STAMBPL1: variants seen among roughly 807,000 people sequenced by gnomAD.
STAMBPL1 encodes AMSH-like protease.
A neutral mutation model predicts 52.9 loss-of-function variants in STAMBPL1; 44 were observed. That is an observed-to-expected ratio of 0.83 (90% CI 0.65 to 1.07). The LOEUF is 1.07. Among genes scored for constraint, STAMBPL1 ranks in the 50% least tolerant of loss-of-function variants. The pLI is 0.00. For synonymous variants in STAMBPL1, 164 were observed against 177.3 expected (o/e 0.92, Z 0.60); for missense variants, 511 against 520.8 (o/e 0.98, Z 0.18).
rs1394272380 is a variant in STAMBPL1 at position 88,922,252 on chromosome 10, T to C, written c.1155-85T>C. 5 of 1,228,374 alleles carry C rather than the reference T, an allele frequency of 4.1e-6. No individual in the cohort carries two copies. The Admixed American group carries it at 7.3e-5, about 18-fold the overall frequency. The allele number at this position is 1,228,374 out of a possible 1,614,324, so 76.1% of individuals were successfully genotyped here. A position where few individuals can be genotyped will look rare whatever the true frequency, so the allele number is the denominator to read the frequency against. On this transcript the variant is annotated intron_variant, in intron 9 of 10. Coordinates refer to ENST00000371926, the MANE Select transcript of STAMBPL1 (RefSeq NM_020799.4). ...ATTTCTCAATCCCATCTGAGGAATA[T>C]GTATGTGTGTGCTGTTCAAATAAAG... is the stretch of plus-strand genomic sequence containing the variant.
At chr10:88,916,382 C>G (rs1383359956) in intron 7 of STAMBPL1, among the ~76,000 whole-genome samples, 1 of 151,544 alleles carries the variant, frequency 6.6e-6, no homozygotes, top group Non-Finnish European at 1.5e-5. Context: ...TTCCACAGAC[C>G]AGCCTGGAAT....
chr10:88,897,804 G>A (rs1844849710), intron 1 of STAMBPL1, among the ~76,000 whole-genome samples: 1 of 152,176 alleles, frequency 6.6e-6, no homozygotes, highest in Non-Finnish European at 1.5e-5. Context: ...GTGCTTTGTA[G>A]CACTTTGGAC....
chr10:88,918,842 A>T (rs1040364518), intron 8 of STAMBPL1, among the ~76,000 whole-genome samples: 1 of 152,202 alleles, frequency 6.6e-6, no homozygotes, highest in Non-Finnish European at 1.5e-5. Context: ...CAAATTAGAA[A>T]CAAAAATTTT....
At chr10:88,918,561 G>T (rs1042500779) in intron 8 of STAMBPL1, among the ~76,000 whole-genome samples, 2 of 152,084 alleles carry the variant, frequency 1.3e-5, no homozygotes, top group Admixed American at 6.6e-5. Context: ...TCAAATGCAA[G>T]AAATTATTTA....
At chr10:88,913,019 C>T (rs1700054031) in intron 5 of STAMBPL1, 82 bp from the exon 6 acceptor site, 1 of 1,202,106 alleles carries the variant, frequency 8.3e-7, no homozygotes, top group Non-Finnish European at 1.2e-6. Flanking sequence ...TCTCTGTCTG[C>T]TTGAAGACTG....
chr10:88,897,189 A>G (rs1237163914), intron 1 of STAMBPL1, among the ~76,000 whole-genome samples: 1 of 152,190 alleles, frequency 6.6e-6, no homozygotes, highest in East Asian at 1.9e-4. Flanking sequence ...TGGATGAGAC[A>G]GCATTTTGGC....
intron 1 of STAMBPL1, among the ~76,000 whole-genome samples, chr10:88,893,631 C>A (rs1844741604): frequency 6.6e-6 from 1 of 152,138 alleles, no homozygotes; most frequent in East Asian, 1.9e-4. Context: ...ATCCCAGCTA[C>A]TTAGGAAGCT....
intron 1 of STAMBPL1, among the ~76,000 whole-genome samples, chr10:88,898,119 T>C (rs1844856695): frequency 6.6e-6 from 1 of 152,198 alleles, no homozygotes; most frequent in Non-Finnish European, 1.5e-5. Flanking sequence ...TCAGACTTTA[T>C]TGGTCTTGGA....
chr10:88,918,136 G>C (rs1845415145), intron 8 of STAMBPL1, among the ~76,000 whole-genome samples: 1 of 152,112 alleles, frequency 6.6e-6, no homozygotes, highest in African/African-American at 2.4e-5. Context: ...TAGCATGTTA[G>C]GATAAGCCAT....
Position 88,908,766 on chromosome 10 carries a change from G to A in STAMBPL1, c.313G>A (p.Asp105Asn). Residue 105 changes from aspartate (D) to asparagine (N), a missense_variant, in exon 4 of 11, where the codon GAT (aspartate) becomes AAT (asparagine). By Grantham distance (23) the Asp-to-Asn change is conservative. Coordinates refer to ENST00000371926, the MANE Select transcript of STAMBPL1 (RefSeq NM_020799.4). ...YQQCAVPEKQ[D>N]IMKKLKEIAF... Reference sequence around the variant, plus strand: ...GCAATGTGCAGTACCTGAAAAGCAGGATATTATGAAGGTATTGTGGGTTTT... The same window carrying A: ...GCAATGTGCAGTACCTGAAAAGCAGAATATTATGAAGGTATTGTGGGTTTT... The A allele has an allele frequency of 1.9e-6, 3 of 1,606,544 alleles. No individual in the cohort carries two copies. Among genetic ancestry groups the A allele is most frequent in the African/African-American group, 1.3e-5 (1 of 74,410 alleles).
At chr10:88,887,379 G>A (rs918448137) in intron 1 of STAMBPL1, among the ~76,000 whole-genome samples, 9 of 151,956 alleles carry the variant, frequency 5.9e-5, no homozygotes, top group South Asian at 2.1e-4. Flanking sequence ...TATGGCACAC[G>A]TAGTTATTTT....
intron 1 of STAMBPL1, among the ~76,000 whole-genome samples, chr10:88,890,274 C>T (rs1384653305): frequency 6.6e-6 from 1 of 152,200 alleles, no homozygotes; most frequent in East Asian, 1.9e-4. Flanking sequence ...AGCAATAGAA[C>T]ATCATTCAAG....
intron 5 of STAMBPL1, among the ~76,000 whole-genome samples, chr10:88,912,137 A>G (rs1040556821): frequency 6.6e-6 from 1 of 152,174 alleles, no homozygotes; most frequent in African/African-American, 2.4e-5. Context: ...CCCTTGCTTC[A>G]CCAGCATTAG....
intron 2 of STAMBPL1, among the ~76,000 whole-genome samples, chr10:88,902,092 C>T (rs1844956018): frequency 6.6e-6 from 1 of 152,132 alleles, no homozygotes; most frequent in South Asian, 2.1e-4. Context: ...GGAGGCTCAC[C>T]TTGTATGGCG....
intron 8 of STAMBPL1, among the ~76,000 whole-genome samples, chr10:88,921,048 C>G (rs957625547): frequency 4.6e-5 from 7 of 152,020 alleles, no homozygotes; most frequent in Admixed American, 4.6e-4. Context: ...CTTTCTTTCC[C>G]AAAAAGAAGA....
At chr10:88,891,706 T>C (rs1029032032) in intron 1 of STAMBPL1, among the ~76,000 whole-genome samples, 1 of 152,216 alleles carries the variant, frequency 6.6e-6, no homozygotes, top group African/African-American at 2.4e-5. Context: ...GTTTTCTGTA[T>C]TTCATCTTTC....
intron 3 of STAMBPL1, among the ~76,000 whole-genome samples, chr10:88,908,126 G>A (rs1845121097): frequency 6.6e-6 from 1 of 152,190 alleles, no homozygotes; most frequent in African/African-American, 2.4e-5. Flanking sequence ...TTTGCTGTAG[G>A]AATTTCCTTT....
chr10:88,914,480 A>C, intron 6 of STAMBPL1, 54 bp from the exon 7 acceptor site: 1 of 1,349,902 alleles, frequency 7.4e-7, no homozygotes, highest in Non-Finnish European at 9.7e-7. Flanking sequence ...ACAATTTTGA[A>C]AGATGGGACA....
At chr10:88,904,509 C>T (rs773487243) in intron 2 of STAMBPL1, among the ~76,000 whole-genome samples, 1 of 152,172 alleles carries the variant, frequency 6.6e-6, no homozygotes, top group African/African-American at 2.4e-5. Context: ...TTAGGGGACA[C>T]AGCCAGGGTC....
Sources: gnomAD v4.1 joint callset for allele counts (sites outside exome capture counted in the v4.1 genomes callset) on GRCh38, gnomAD v4.1.1 for gene constraint, MANE v1.5 for transcripts, NCBI Gene and HGNC (gene_info 2026-07-23, HGNC 2026-07-21) for gene names.